SMAD3: variants seen among roughly 807,000 people sequenced by gnomAD.
SMAD3 encodes the protein MAD homolog 3.
A neutral mutation model predicts 51.8 loss-of-function variants in SMAD3; 12 were observed. That is an observed-to-expected ratio of 0.23 (90% confidence interval 0.15 to 0.38). The LOEUF is 0.38. Among genes scored for constraint, SMAD3 ranks in the 10% least tolerant of loss-of-function variants. SMAD3 has a pLI of 1.00. For synonymous variants in SMAD3, 238 were observed against 227.7 expected (o/e 1.05, Z -0.41); for missense variants, 294 against 565.6 (o/e 0.52, Z 4.87).
intron 1 of SMAD3, among the ~76,000 whole-genome samples, chr15:67,112,130 TA>T (rs1460342166): frequency 2.7e-5 from 4 of 146,980 alleles, no homozygotes; most frequent in African/African-American, 7.5e-5. Flanking sequence ...ACAAATCCTT[TA>T]GCCATTTCTT....
At chr15:67,106,991 G>A (rs1349198460) in intron 1 of SMAD3, among the ~76,000 whole-genome samples, 1 of 152,074 alleles carries the variant, frequency 6.6e-6, no homozygotes, top group East Asian at 1.9e-4. Context: ...GTGGAGTCCA[G>A]TCTCCTTAGC....
intron 1 of SMAD3, among the ~76,000 whole-genome samples, chr15:67,073,056 G>A (rs1431817358): frequency 1.3e-5 from 2 of 152,178 alleles, no homozygotes; most frequent in Non-Finnish European, 2.9e-5. Context: ...GTGAAACACA[G>A]GTTCTTTGGA....
intron 1 of SMAD3, among the ~76,000 whole-genome samples, chr15:67,091,670 A>G (rs1053156321): frequency 7.9e-5 from 12 of 152,316 alleles, no homozygotes; most frequent in African/African-American, 2.2e-4. Flanking sequence ...TATTAATAAT[A>G]ACTGACACTC....
intron 1 of SMAD3, among the ~76,000 whole-genome samples, chr15:67,108,673 G>A (rs987004225): frequency 1.3e-5 from 2 of 152,138 alleles, no homozygotes; most frequent in Non-Finnish European, 2.9e-5. Context: ...TCTCTGGGTC[G>A]GAGGCCAGGA....
Position 67,077,706 on chromosome 15 carries a change from C to T in SMAD3, c.206+11346C>T, listed in dbSNP as rs75554780. 1.6e-3 allele frequency among the ~76,000 whole-genome samples: 236 copies of T among 152,218 alleles called. 2 individuals are homozygous for T. The highest frequency in any genetic ancestry group is 5.6e-3 in the African/African-American group (231 of 41,522). On this transcript the variant is annotated intron_variant, in intron 1 of 8. Transcript: ENST00000327367. ...AGAGGAGGCAATACTCAATTGGGGC[C>T]TTGAAGGATGGATAGGAGTGTAGGA...
chr15:67,127,865 G>C (rs1309810381), intron 1 of SMAD3, among the ~76,000 whole-genome samples: 1 of 152,224 alleles, frequency 6.6e-6, no homozygotes, highest in African/African-American at 2.4e-5. Context: ...GGCTGAAAGT[G>C]GTAGGGAGAC....
intron 1 of SMAD3, among the ~76,000 whole-genome samples, chr15:67,079,877 C>T (rs953088006): frequency 2.0e-5 from 3 of 152,180 alleles, no homozygotes; most frequent in Non-Finnish European, 2.9e-5. Flanking sequence ...TGGTAAATGA[C>T]AGAAACAAGG....
intron 1 of SMAD3, among the ~76,000 whole-genome samples, chr15:67,140,869 A>G (rs1411304527): frequency 2.0e-5 from 3 of 152,118 alleles, no homozygotes; most frequent in Non-Finnish European, 4.4e-5. Context: ...CTTGGGGTTC[A>G]TTCATAGTCT....
At position 67,110,568 on chromosome 15, in the gene SMAD3, C is replaced by T. The variant is rs113577538; in HGVS notation, c.206+44208C>T. Among the ~76,000 whole-genome samples, 1,125 of 152,244 alleles carry T rather than the reference C, an allele frequency of 7.4e-3. 16 individuals carry two copies. Among genetic ancestry groups the T allele is most frequent in the African/African-American group, 0.026 (1,073 of 41,550 alleles). On this transcript the variant is annotated intron_variant, in intron 1 of 8. Transcript: ENST00000327367. ...AAGAAGATACAAGAGGGAAGAGGAGCGTTCCTTGCCGTGCAGATGCAAATG... is the reference window on the plus strand; with the variant it reads ...AAGAAGATACAAGAGGGAAGAGGAGTGTTCCTTGCCGTGCAGATGCAAATG...
chr15:67,182,998 A>ATATATATATATAT (rs1444218521), intron 6 of SMAD3, among the ~76,000 whole-genome samples: 2 of 49,070 alleles, frequency 4.1e-5, no homozygotes, highest in African/African-American at 8.8e-5. Flanking sequence ...AAAAAAAAAA[A>ATATATATATATAT]AAATATATAT....
intron 1 of SMAD3, among the ~76,000 whole-genome samples, chr15:67,154,726 A>G (rs1448881313): frequency 6.6e-6 from 1 of 152,240 alleles, no homozygotes; most frequent in African/African-American, 2.4e-5. Flanking sequence ...AATTACAATT[A>G]TAGGCTAATT....
At chr15:67,127,637 G>A (rs532404563) in intron 1 of SMAD3, among the ~76,000 whole-genome samples, 10 of 152,280 alleles carry the variant, frequency 6.6e-5, no homozygotes, top group Admixed American at 4.6e-4. Flanking sequence ...TTCTGTGCCC[G>A]TCTCTGGAGT....
At chr15:67,177,327 C>T (rs924942328) in intron 5 of SMAD3, among the ~76,000 whole-genome samples, 6 of 151,952 alleles carry the variant, frequency 3.9e-5, no homozygotes, top group African/African-American at 9.7e-5. Flanking sequence ...CATTTATAGC[C>T]GCCTTCTTTC....
intron 1 of SMAD3, among the ~76,000 whole-genome samples, chr15:67,127,447 C>T (rs1179550687): frequency 1.3e-5 from 2 of 152,216 alleles, no homozygotes; most frequent in Non-Finnish European, 2.9e-5. Flanking sequence ...CTGGCCCATC[C>T]TGCCCTTTCC....
At chr15:67,129,978 G>T (rs1961483033) in intron 1 of SMAD3, among the ~76,000 whole-genome samples, 2 of 152,176 alleles carry the variant, frequency 1.3e-5, no homozygotes, top group South Asian at 4.1e-4. Flanking sequence ...ATTTTGGAGT[G>T]GAGTCATTGA....
chr15:67,066,371 G>A lies in SMAD3; in HGVS notation c.206+11G>A, dbSNP rs763321881. ...CATCACCATCCCCAGGTGGGGGCCC[G>A]CCCGGGGGGGACCCGGGGTCACGCC... is the stretch of plus-strand genomic sequence containing the variant. On this transcript the variant is annotated intron_variant, in intron 1 of 8. Coordinates refer to ENST00000327367, the MANE Select transcript of SMAD3 (RefSeq NM_005902.4). 1 of 1,607,482 alleles carries A rather than the reference G, an allele frequency of 6.2e-7. No homozygotes were observed. The highest frequency in any genetic ancestry group is 8.5e-7 in the Non-Finnish European group (1 of 1,176,180).
chr15:67,161,711 A>G (rs1442762278), intron 1 of SMAD3, among the ~76,000 whole-genome samples: 1 of 152,200 alleles, frequency 6.6e-6, no homozygotes, highest in Non-Finnish European at 1.5e-5. Context: ...TTTGGGGAGT[A>G]TCTGCTGTGA....
intron 1 of SMAD3, among the ~76,000 whole-genome samples, chr15:67,116,193 G>C (rs1320792097): frequency 6.6e-6 from 1 of 152,252 alleles, no homozygotes; most frequent in African/African-American, 2.4e-5. Flanking sequence ...CACTGTCTGA[G>C]AGCAGCTCCC....
At chr15:67,142,071 C>T (rs916488208) in intron 1 of SMAD3, among the ~76,000 whole-genome samples, 11 of 152,156 alleles carry the variant, frequency 7.2e-5, no homozygotes, top group Non-Finnish European at 1.0e-4. Context: ...GGCCACGTAG[C>T]GAGGCAGTGA....
Sources: gnomAD v4.1 joint callset for allele counts (sites outside exome capture counted in the v4.1 genomes callset) on GRCh38, gnomAD v4.1.1 for gene constraint, MANE v1.5 for transcripts, NCBI Gene and HGNC (gene_info 2026-07-23, HGNC 2026-07-21) for gene names.